The following NRXN3 variants were observed in gnomAD, a reference collection of about 807,000 sequenced individuals.
The protein encoded by NRXN3 is neurexin 3.
A neutral mutation model predicts 137.6 loss-of-function variants in NRXN3; 32 were observed. The observed-to-expected ratio is 0.23, with a 90% CI of 0.18 to 0.31. The LOEUF (loss-of-function observed/expected upper bound fraction) is 0.31, where lower values mean the gene tolerates loss of function less well. Among genes scored for constraint, NRXN3 ranks in the 10% least tolerant of loss-of-function variants. The pLI, the probability that NRXN3 is intolerant of heterozygous loss-of-function variation, is 1.00. For missense variants in NRXN3, 1,574 were observed against 2,062.5 expected, an observed-to-expected ratio of 0.76 and a Z score of 4.59; for synonymous variants, 798 against 784.5, an observed-to-expected ratio of 1.02 and a Z score of -0.29.
intron 4 of NRXN3, among the ~76,000 whole-genome samples, chr14:78,300,365 T>A (rs908124217): frequency 2.0e-5 from 3 of 152,384 alleles, no homozygotes; most frequent in Non-Finnish European, 4.4e-5. Flanking sequence ...CTTTGTCATG[T>A]TTCTGAGGAT....
chr14:79,330,367 A>G (rs2091504695), intron 15 of NRXN3, among the ~76,000 whole-genome samples: 1 of 152,174 alleles, frequency 6.6e-6, no homozygotes, highest in Admixed American at 6.5e-5. Context: ...GGCTGAGAGA[A>G]GAAAAGATGG....
intron 14 of NRXN3, among the ~76,000 whole-genome samples, chr14:78,969,088 A>G (rs2099429278): frequency 6.6e-6 from 1 of 152,210 alleles, no homozygotes. Context: ...TACACATAAA[A>G]TGCCTGGTAT....
intron 4 of NRXN3, among the ~76,000 whole-genome samples, chr14:78,578,136 G>A (rs967052764): frequency 7.9e-5 from 12 of 152,040 alleles, no homozygotes; most frequent in Non-Finnish European, 1.8e-4. Context: ...GTAAATAGTG[G>A]ATTTTATCTT....
At chr14:78,862,655 A>G (rs1274565455) in intron 10 of NRXN3, among the ~76,000 whole-genome samples, 2 of 152,176 alleles carry the variant, frequency 1.3e-5, no homozygotes, top group East Asian at 3.8e-4. Context: ...CCATTTACTA[A>G]TGTCCTATCA....
intron 10 of NRXN3, among the ~76,000 whole-genome samples, chr14:78,927,932 G>C (rs1436720587): frequency 2.0e-5 from 3 of 152,098 alleles, no homozygotes; most frequent in Non-Finnish European, 4.4e-5. Context: ...ATATCTGAGG[G>C]AGTCCTCTGC....
chr14:79,536,704 G>A (rs2097214435), intron 16 of NRXN3, among the ~76,000 whole-genome samples: 1 of 152,060 alleles, frequency 6.6e-6, no homozygotes, highest in Non-Finnish European at 1.5e-5. Flanking sequence ...GTGAGAATAT[G>A]CAGTGTTTGG....
intron 15 of NRXN3, among the ~76,000 whole-genome samples, chr14:79,026,176 G>T (rs368070868): frequency 1.3e-5 from 2 of 152,108 alleles, no homozygotes; most frequent in East Asian, 1.9e-4. Context: ...GCGCAGCAAA[G>T]CTTAATGAAT....
At chr14:79,510,123 T>C (rs781674864) in intron 16 of NRXN3, among the ~76,000 whole-genome samples, 12 of 152,182 alleles carry the variant, frequency 7.9e-5, no homozygotes, top group Non-Finnish European at 1.6e-4. Flanking sequence ...ACCAAGAGCT[T>C]CTTTTCCGTT....
chr14:78,700,324 G>C (rs1043695317), intron 6 of NRXN3, among the ~76,000 whole-genome samples: 10 of 152,218 alleles, frequency 6.6e-5, no homozygotes, highest in African/African-American at 2.4e-4. Flanking sequence ...CTGGCTCTCA[G>C]TGACTGGTAG....
At chr14:79,139,640 C>T (rs943087697) in intron 15 of NRXN3, among the ~76,000 whole-genome samples, 29 of 152,124 alleles carry the variant, frequency 1.9e-4, no homozygotes, top group African/African-American at 6.7e-4. Context: ...TGTCTTTATT[C>T]TCTATCTGAT....
chr14:78,256,850 G>C (rs894539902), intron 2 of NRXN3, among the ~76,000 whole-genome samples: 4 of 152,222 alleles, frequency 2.6e-5, no homozygotes, highest in African/African-American at 9.6e-5. Flanking sequence ...GGAGGCCACT[G>C]ATCAACACTC....
intron 15 of NRXN3, among the ~76,000 whole-genome samples, chr14:79,405,466 T>C (rs1228170188): frequency 6.6e-6 from 1 of 152,132 alleles, no homozygotes; most frequent in Non-Finnish European, 1.5e-5. Flanking sequence ...TTTCTTCAGA[T>C]ACTAGTCTCT....
At chr14:78,184,187 C>T (rs916967263) in intron 1 of NRXN3, among the ~76,000 whole-genome samples, 2 of 152,188 alleles carry the variant, frequency 1.3e-5, no homozygotes, top group Admixed American at 1.3e-4. Flanking sequence ...TAAGCATCTG[C>T]AATCCAGGGT....
intron 15 of NRXN3, among the ~76,000 whole-genome samples, chr14:79,353,121 T>C (rs1031500166): frequency 6.6e-6 from 1 of 152,228 alleles, no homozygotes; most frequent in East Asian, 1.9e-4. Context: ...ATATTTGGAA[T>C]CAAATATTTC....
In NRXN3 at chr14:79,729,836, C is replaced by A. The variant is rs74065905; in HGVS notation, c.4014+31899C>A. 1.7e-3 allele frequency among the ~76,000 whole-genome samples: 261 copies of A among 152,256 alleles called. 2 individuals are homozygous for A. Among genetic ancestry groups the A allele is most frequent in the African/African-American group, 6.0e-3 (248 of 41,540 alleles). On this transcript the variant is annotated intron_variant, in intron 19 of 20. Coordinates refer to ENST00000335750, the MANE Select transcript of NRXN3 (RefSeq NM_001330195.2). ...GGATTCGAGTGAGTGCAGGGCATGGCTCTAAGAAGCATTTTGTGGAAAGAG... is the reference window on the plus strand; with the variant it reads ...GGATTCGAGTGAGTGCAGGGCATGGATCTAAGAAGCATTTTGTGGAAAGAG...
intron 6 of NRXN3, among the ~76,000 whole-genome samples, chr14:78,675,569 A>T (rs2152727138): frequency 6.6e-6 from 1 of 152,292 alleles, no homozygotes; most frequent in African/African-American, 2.4e-5. Context: ...AAGCTTAAGG[A>T]TACAGTGAGA....
chr14:79,088,642 A>C (rs7144999), intron 15 of NRXN3, among the ~76,000 whole-genome samples: 1 of 152,056 alleles, frequency 6.6e-6, no homozygotes, highest in African/African-American at 2.4e-5. Context: ...ATTAGGTTAG[A>C]ATATATTCAA....
At chr14:78,808,100 G>A (rs1035321935) in intron 9 of NRXN3, among the ~76,000 whole-genome samples, 2 of 152,006 alleles carry the variant, frequency 1.3e-5, no homozygotes, top group African/African-American at 4.8e-5. Flanking sequence ...CCCCCTCAGA[G>A]CCTATCAAGA....
intron 15 of NRXN3, among the ~76,000 whole-genome samples, chr14:79,359,805 C>A (rs543621498): frequency 6.6e-6 from 1 of 152,020 alleles, no homozygotes; most frequent in African/African-American, 2.4e-5. Flanking sequence ...TAGGGAATCA[C>A]CCTTGCAAGC....
Sources: allele counts gnomAD v4.1 joint callset (sites outside exome capture counted in the v4.1 genomes callset), GRCh38; gene constraint gnomAD v4.1.1; transcripts MANE v1.5; gene names NCBI Gene and HGNC (gene_info 2026-07-23, HGNC 2026-07-21).